The following ACVR1 variants were observed in gnomAD, a reference collection of about 807,000 sequenced individuals.
ACVR1 encodes activin A receptor type 1, also known as activin receptor type-1.
A neutral mutation model predicts 57.1 loss-of-function variants in ACVR1; 38 were observed. The observed-to-expected ratio is 0.67, with a 90% CI of 0.51 to 0.87. ACVR1 has a LOEUF of 0.87. Among genes scored for constraint, ACVR1 ranks in the 40% least tolerant of loss-of-function variants. ACVR1 has a pLI of 0.00. For synonymous variants in ACVR1, 212 were observed against 228.1 expected (o/e 0.93, Z 0.63); for missense variants, 463 against 638.2 (o/e 0.73, Z 2.96).
chr2:157,826,891 GAGGAAGGTAGGAAAAGAA>G (rs1688402354), intron 1 of ACVR1, among the ~76,000 whole-genome samples: 2 of 145,948 alleles, frequency 1.4e-5, no homozygotes, highest in South Asian at 4.4e-4. Context: ...GAAAGGAAAG[GAGGAAGGTAGGAAAAGAA>G]AGGAAGGAAG....
At chr2:157,753,473 A>G (rs1215024185) in intron 9 of ACVR1, among the ~76,000 whole-genome samples, 2 of 152,214 alleles carry the variant, frequency 1.3e-5, no homozygotes, top group Non-Finnish European at 2.9e-5. Flanking sequence ...GGTTGCAGTG[A>G]GTAAAGATTG....
At chr2:157,833,355 T>C (rs1688653799) in intron 1 of ACVR1, among the ~76,000 whole-genome samples, 1 of 152,180 alleles carries the variant, frequency 6.6e-6, no homozygotes, top group Non-Finnish European at 1.5e-5. Context: ...AAGGACTAAA[T>C]GAGCTCAGTT....
chr2:157,839,675 A>G lies in ACVR1; in HGVS notation c.-182-21116T>C, dbSNP rs574200453. On this transcript the variant is annotated intron_variant, in intron 1 of 10. Coordinates refer to ENST00000434821, the MANE Select transcript of ACVR1 (RefSeq NM_001111067.4). ...CATGGCATCCATTATGACCTACTGT[A>G]ATCTGATACCATGCAGTGAACATCC... Among the ~76,000 whole-genome samples, 66 of 152,218 alleles carry G rather than the reference A, an allele frequency of 4.3e-4. 1 individual carries two copies. The highest frequency in any genetic ancestry group is 8.5e-4 in the Non-Finnish European group (58 of 68,038).
intron 3 of ACVR1, among the ~76,000 whole-genome samples, chr2:157,787,242 G>C (rs1686746315): frequency 6.6e-6 from 1 of 152,140 alleles, no homozygotes; most frequent in South Asian, 2.1e-4. Flanking sequence ...TGCCTTTTAT[G>C]ATTCTCTGAA....
chr2:157,868,956 C>G (rs1294475222), intron 1 of ACVR1, among the ~76,000 whole-genome samples: 2 of 152,198 alleles, frequency 1.3e-5, no homozygotes, highest in Non-Finnish European at 2.9e-5. Flanking sequence ...TCTTTGAATG[C>G]AAAGAGCTGT....
At chr2:157,841,942 G>A (rs1022668802) in intron 1 of ACVR1, among the ~76,000 whole-genome samples, 1 of 148,892 alleles carries the variant, frequency 6.7e-6, no homozygotes, top group African/African-American at 2.5e-5. Context: ...CAGGAGAATG[G>A]CATGAACCCG....
intron 1 of ACVR1, among the ~76,000 whole-genome samples, chr2:157,855,845 A>C (rs1228873548): frequency 1.3e-5 from 2 of 152,172 alleles, no homozygotes; most frequent in East Asian, 3.9e-4. Flanking sequence ...TCTGACTCAT[A>C]CTTTTTTTTC....
chr2:157,776,819 C>A lies in ACVR1; in HGVS notation c.543+1312G>T, dbSNP rs541481563. The stretch of plus-strand genomic sequence containing the variant: ...CAAGTGTAACTGCAGAACTATCAGA[C>A]ACTTTGAAGCTTGCTGTCTAGCAGA... On this transcript the variant is annotated intron_variant, in intron 5 of 10. Transcript: ENST00000434821. 2.4e-4 allele frequency among the ~76,000 whole-genome samples: 36 copies of A among 152,358 alleles called. No individual in the cohort carries two copies. In the South Asian group the frequency reaches 4.1e-3, roughly 18 times the overall value.
chr2:157,791,598 G>T (rs141062379), intron 3 of ACVR1, among the ~76,000 whole-genome samples: 212 of 152,294 alleles, frequency 1.4e-3, no homozygotes, highest in Middle Eastern at 6.8e-3. Flanking sequence ...GGTGGGTACC[G>T]TTATTGTTTC....
At chr2:157,844,685 G>A (rs926337845) in intron 1 of ACVR1, among the ~76,000 whole-genome samples, 3 of 152,106 alleles carry the variant, frequency 2.0e-5, no homozygotes, top group African/African-American at 7.2e-5. Flanking sequence ...GAGGGTTTCA[G>A]AGCAAAAGAA....
At chr2:157,817,412 C>T (rs1024465330) in intron 2 of ACVR1, among the ~76,000 whole-genome samples, 3 of 152,162 alleles carry the variant, frequency 2.0e-5, no homozygotes, top group Admixed American at 6.5e-5. Context: ...ACACGGAGAT[C>T]TTTAGGGCAC....
Position 157,761,031 on chromosome 2 carries a change from C to G in ACVR1, c.1113G>C (p.Gly371=). The change falls in exon 9 of 11, where the codon GGG becomes GGC. Residue 371 remains glycine, a synonymous_variant. Coordinates refer to ENST00000434821, the MANE Select transcript of ACVR1 (RefSeq NM_001111067.4). The stretch of plus-strand genomic sequence containing the variant: ...GCTTGGTGCCCACACGGGGATTGTT[C>G]CCCACATCAAGCTGATTGGTGCTCT... The part of the protein sequence containing the change: ...HSQSTNQLDV[G]NNPRVGTKRY... 6.2e-7 allele frequency: 1 copy of G among 1,614,090 alleles called. No individual in the cohort carries two copies. Among genetic ancestry groups the G allele is most frequent in the Non-Finnish European group, 8.5e-7 (1 of 1,179,994 alleles).
intron 9 of ACVR1, among the ~76,000 whole-genome samples, chr2:157,758,887 G>A (rs75312598): frequency 0.011 from 1,686 of 151,966 alleles, 13 homozygotes; most frequent in Middle Eastern, 0.034. Context: ...ACACACTCCT[G>A]AACAACCACT....
intron 2 of ACVR1, among the ~76,000 whole-genome samples, chr2:157,800,643 G>A (rs1163670180): frequency 2.0e-5 from 3 of 151,836 alleles, no homozygotes; most frequent in Non-Finnish European, 4.4e-5. Flanking sequence ...GAGGTAAAGG[G>A]GATTTTTATT....
chr2:157,763,649 T>C (rs893241263), intron 8 of ACVR1, among the ~76,000 whole-genome samples: 2 of 152,090 alleles, frequency 1.3e-5, no homozygotes, highest in Non-Finnish European at 2.9e-5. Context: ...TTAAGCCCAG[T>C]AGATCGAGGC....
At chr2:157,804,022 A>T (rs1687427312) in intron 2 of ACVR1, among the ~76,000 whole-genome samples, 1 of 152,146 alleles carries the variant, frequency 6.6e-6, no homozygotes, top group Non-Finnish European at 1.5e-5. Context: ...ACACAGCTGG[A>T]TTCTCATATA....
At chr2:157,853,676 T>C (rs1458863488) in intron 1 of ACVR1, among the ~76,000 whole-genome samples, 2 of 152,172 alleles carry the variant, frequency 1.3e-5, no homozygotes, top group African/African-American at 4.8e-5. Flanking sequence ...AAGACCTGAA[T>C]TGTTTAGGAA....
At chr2:157,807,837 A>G (rs1404157109) in intron 2 of ACVR1, among the ~76,000 whole-genome samples, 1 of 100,956 alleles carries the variant, frequency 9.9e-6, no homozygotes, top group African/African-American at 4.0e-5. Context: ...GGCTAATGTG[A>G]TTAATCTATA....
chr2:157,860,373 G>A lies in ACVR1; in HGVS notation c.-183+15423C>T, dbSNP rs16842186. Among the ~76,000 whole-genome samples the A allele has an allele frequency of 4.5e-3, 691 of 152,206 alleles. 4 individuals are homozygous for A. Among genetic ancestry groups the A allele is most frequent in the African/African-American group, 0.015 (634 of 41,528 alleles). On this transcript the variant is annotated intron_variant, in intron 1 of 10. Transcript: ENST00000434821. ...TGTCTAAGGTTTAGGAAGCAGCGCTGGCATTCTCCAAAATGTGTTCAGCAG... is the reference window on the plus strand; with the variant it reads ...TGTCTAAGGTTTAGGAAGCAGCGCTAGCATTCTCCAAAATGTGTTCAGCAG...
Sources: allele counts gnomAD v4.1 joint callset (sites outside exome capture counted in the v4.1 genomes callset), GRCh38; gene constraint gnomAD v4.1.1; transcripts MANE v1.5; gene names NCBI Gene and HGNC (gene_info 2026-07-23, HGNC 2026-07-21).